ULK4: variants seen among roughly 807,000 people sequenced by gnomAD.
ULK4 encodes unc-51 like kinase 4, also known as inactive serine/threonine-protein kinase ULK4.
In ULK4, 133 loss-of-function variants were observed where a neutral mutation model predicts 160.6. The ratio of observed to expected loss-of-function variants is 0.83; its 90% CI spans 0.72 to 0.96. The LOEUF is 0.96. ULK4 is among the 40% of genes least tolerant of loss of function. The pLI is 0.00. For synonymous variants in ULK4, 534 were observed against 539.8 expected (o/e 0.99, Z 0.15); for missense variants, 1,580 against 1,499.5 (o/e 1.05, Z -0.89).
chr3:41,559,768 T>C (rs1395291737), intron 32 of ULK4, among the ~76,000 whole-genome samples: 2 of 152,186 alleles, frequency 1.3e-5, no homozygotes, highest in Non-Finnish European at 2.9e-5. Context: ...AGATTCTGGA[T>C]ATTAGCCCTT....
intron 27 of ULK4, among the ~76,000 whole-genome samples, chr3:41,693,581 T>C (rs1434574754): frequency 1.3e-5 from 2 of 152,128 alleles, no homozygotes; most frequent in East Asian, 3.9e-4. Flanking sequence ...TTACATTCAG[T>C]ATAAGAAGGA....
intron 21 of ULK4, among the ~76,000 whole-genome samples, chr3:41,785,487 C>G (rs1266517965): frequency 6.6e-6 from 1 of 152,066 alleles, no homozygotes; most frequent in African/African-American, 2.4e-5. Flanking sequence ...CTGTAGCAAA[C>G]AGTAATTTCT....
At chr3:41,553,800 T>G (rs2453620) in intron 32 of ULK4, among the ~76,000 whole-genome samples, 77,388 of 151,738 alleles carry the variant, frequency 0.51, 19,825 homozygotes, top group Middle Eastern at 0.57. Flanking sequence ...ATCCATCCCA[T>G]CAAGCATTTA....
chr3:41,740,779 T>G (rs1176725090), intron 22 of ULK4, among the ~76,000 whole-genome samples: 1 of 151,916 alleles, frequency 6.6e-6, no homozygotes, highest in East Asian at 1.9e-4. Flanking sequence ...CAGTTGCTAG[T>G]GCAGTTTCAA....
At chr3:41,931,661 C>T (rs1699608643) in intron 5 of ULK4, 183 bp downstream of exon 5, 3 of 668,366 alleles carry the variant, frequency 4.5e-6, no homozygotes, top group South Asian at 2.5e-5. Flanking sequence ...AGAGTAGATC[C>T]ACATTGAATA....
At chr3:41,465,377 C>T (rs2083805214) in intron 32 of ULK4, among the ~76,000 whole-genome samples, 1 of 152,174 alleles carries the variant, frequency 6.6e-6, no homozygotes, top group Non-Finnish European at 1.5e-5. Flanking sequence ...CCTGTAAATA[C>T]TTCTGTATAA....
chr3:41,372,739 G>A (rs1053519469), intron 35 of ULK4, among the ~76,000 whole-genome samples: 2 of 152,082 alleles, frequency 1.3e-5, no homozygotes, highest in Non-Finnish European at 2.9e-5. Context: ...CAACTAACGG[G>A]CAAAATAACC....
chr3:41,717,538 G>A (rs1681120397), intron 23 of ULK4, among the ~76,000 whole-genome samples, 190 bp downstream of exon 23: 1 of 152,160 alleles, frequency 6.6e-6, no homozygotes, highest in African/African-American at 2.4e-5. Context: ...GCCTCATCAT[G>A]TCATTGATGC....
chr3:41,868,596 T>A (rs1228648323), intron 17 of ULK4, among the ~76,000 whole-genome samples: 1 of 152,206 alleles, frequency 6.6e-6, no homozygotes, highest in Non-Finnish European at 1.5e-5. Flanking sequence ...CAAGCCATTC[T>A]CCTGCCTCAG....
At chr3:41,681,385 C>T (rs1453877819) in intron 29 of ULK4, 123 bp downstream of exon 29, 1 of 1,374,232 alleles carries the variant, frequency 7.3e-7, no homozygotes, top group Non-Finnish European at 9.9e-7. Flanking sequence ...ATAATGAGTA[C>T]ACAAGCATAT....
intron 32 of ULK4, among the ~76,000 whole-genome samples, chr3:41,541,095 G>T (rs1329225353): frequency 6.6e-6 from 1 of 152,130 alleles, no homozygotes; most frequent in Non-Finnish European, 1.5e-5. Context: ...TAGTCATGAA[G>T]TCTTTGCCCA....
intron 17 of ULK4, among the ~76,000 whole-genome samples, chr3:41,880,850 G>A (rs1697490172): frequency 6.6e-6 from 1 of 152,090 alleles, no homozygotes; most frequent in Admixed American, 6.5e-5. Flanking sequence ...TTCAACCCGG[G>A]AGGCAGAGGT....
chr3:41,781,687 C>T (rs1474755331), intron 21 of ULK4, among the ~76,000 whole-genome samples: 1 of 152,124 alleles, frequency 6.6e-6, no homozygotes, highest in Non-Finnish European at 1.5e-5. Context: ...GCCTGTAATC[C>T]CAGCACTCTG....
At chr3:41,826,314 A>G (rs959372398) in intron 18 of ULK4, among the ~76,000 whole-genome samples, 5 of 152,134 alleles carry the variant, frequency 3.3e-5, no homozygotes, top group African/African-American at 1.2e-4. Context: ...AACAATATTA[A>G]CCTTAAATGT....
chr3:41,345,914 A>G lies in ULK4; in HGVS notation c.3678+52165T>C, dbSNP rs2080789019. 1.3e-5 allele frequency among the ~76,000 whole-genome samples: 2 copies of G among 152,098 alleles called. 1 individual carries two copies. The highest frequency in any genetic ancestry group is 1.3e-4 in the Admixed American group (2 of 15,260). On this transcript the variant is annotated intron_variant, in intron 35 of 36. Coordinates refer to ENST00000301831, the MANE Select transcript of ULK4 (RefSeq NM_017886.4). ...AACCAAGACTTGCATACAGAGCAGG[A>G]ATTTGCAGGGGGGAGGTGAGGACAG...
At chr3:41,499,210 C>T (rs916663197) in intron 32 of ULK4, among the ~76,000 whole-genome samples, 1 of 152,148 alleles carries the variant, frequency 6.6e-6, no homozygotes, top group African/African-American at 2.4e-5. Flanking sequence ...AATTCCAGAA[C>T]ATTGGCTTTC....
chr3:41,362,274 C>T (rs912651908), intron 35 of ULK4, among the ~76,000 whole-genome samples: 2 of 151,992 alleles, frequency 1.3e-5, no homozygotes, highest in African/African-American at 4.8e-5. Context: ...TATGATGATG[C>T]TATATTATTC....
At chr3:41,508,589 A>C (rs1452431702) in intron 32 of ULK4, among the ~76,000 whole-genome samples, 1 of 152,134 alleles carries the variant, frequency 6.6e-6, no homozygotes, top group Non-Finnish European at 1.5e-5. Flanking sequence ...TGCTACCTCC[A>C]CCAGAGGAGG....
At chr3:41,295,004 A>C (rs959070040) in intron 35 of ULK4, among the ~76,000 whole-genome samples, 1 of 152,232 alleles carries the variant, frequency 6.6e-6, no homozygotes, top group Admixed American at 6.5e-5. Context: ...GCAGTATTGA[A>C]GAAGAACAAA....
Sources: gnomAD v4.1 joint callset for allele counts (sites outside exome capture counted in the v4.1 genomes callset) on GRCh38, gnomAD v4.1.1 for gene constraint, MANE v1.5 for transcripts, NCBI Gene and HGNC (gene_info 2026-07-23, HGNC 2026-07-21) for gene names.